Variants in GRHL2 observed in about 807,000 individuals in gnomAD.
The protein encoded by GRHL2 is grainyhead like transcription factor 2, also known as grainyhead-like protein 2 homolog.
A neutral mutation model predicts 83.8 loss-of-function variants in GRHL2; 21 were observed. The observed-to-expected ratio is 0.25, with a 90% CI of 0.18 to 0.36. The LOEUF (loss-of-function observed/expected upper bound fraction) is 0.36. Among genes scored for constraint, GRHL2 ranks in the 10% least tolerant of loss-of-function variants. The probability of loss-of-function intolerance (pLI) is 1.00; values close to 1 mark genes in which losing one functional copy is unlikely to be tolerated. For missense variants in GRHL2, 623 were observed against 781.8 expected, an observed-to-expected ratio of 0.80 and a Z score of 2.42; for synonymous variants, 280 against 278.9, an observed-to-expected ratio of 1.00 and a Z score of -0.04.
intron 8 of GRHL2, among the ~76,000 whole-genome samples, chr8:101,616,007 TTTTTCTTTCTTTCTTTCTATC>T (rs759220101): frequency 2.6e-4 from 39 of 151,922 alleles, no homozygotes; most frequent in Non-Finnish European, 3.7e-4. Flanking sequence ...GACATAGCAT[TTTTTCTTTCTTTCTTTCTATC>T]TTTTCTTTCT....
intron 12 of GRHL2, among the ~76,000 whole-genome samples, chr8:101,642,534 T>C (rs1464129330): frequency 6.6e-6 from 1 of 152,186 alleles, no homozygotes; most frequent in Non-Finnish European, 1.5e-5. Context: ...CCATGGTCAC[T>C]TTAGTTCCAA....
At chr8:101,525,418 T>A (rs946143811) in intron 1 of GRHL2, among the ~76,000 whole-genome samples, 2 of 152,208 alleles carry the variant, frequency 1.3e-5, no homozygotes, top group Non-Finnish European at 2.9e-5. Flanking sequence ...CAGTAAATTT[T>A]AAAAAATACT....
intron 1 of GRHL2, among the ~76,000 whole-genome samples, chr8:101,522,770 T>C (rs542791019): frequency 2.3e-4 from 34 of 148,768 alleles, no homozygotes; most frequent in African/African-American, 8.5e-4. Flanking sequence ...TATACATATA[T>C]ATATATAAAC....
At chr8:101,601,206 C>A (rs1415811362) in intron 8 of GRHL2, among the ~76,000 whole-genome samples, 4 of 151,686 alleles carry the variant, frequency 2.6e-5, no homozygotes, top group African/African-American at 9.7e-5. Context: ...ACCACCACCA[C>A]CACCACCACC....
chr8:101,508,755 T>C (rs1810389974), intron 1 of GRHL2, among the ~76,000 whole-genome samples: 1 of 152,164 alleles, frequency 6.6e-6, no homozygotes, highest in African/African-American at 2.4e-5. Context: ...GGCCACCACA[T>C]AAGCCTATTT....
At position 101,669,370 on chromosome 8, in the gene GRHL2, A is replaced by T. The variant is rs534390591; in HGVS notation, c.*2667A>T. 1.3e-5 allele frequency: 2 copies of T among 151,968 alleles called. No individual in the cohort carries two copies. The highest frequency in any genetic ancestry group is 1.3e-4 in the Admixed American group (2 of 15,146). The allele number at this position is 151,968 out of a possible 1,614,324, so 9.4% of individuals were successfully genotyped here. A position where few individuals can be genotyped will look rare whatever the true frequency, so the allele number is the denominator to read the frequency against. On this transcript the variant is annotated 3_prime_UTR_variant, in exon 16 of 16. Coordinates refer to ENST00000646743, the MANE Select transcript of GRHL2 (RefSeq NM_024915.4). ...GTTTAGAAGTTCGGACCAACAGAAA[A>T]ATGCAGTCAGATGTCATCTTGGAAT... is the stretch of plus-strand genomic sequence containing the variant.
At chr8:101,571,633 T>C (rs886509056) in intron 5 of GRHL2, among the ~76,000 whole-genome samples, 4 of 152,168 alleles carry the variant, frequency 2.6e-5, no homozygotes, top group African/African-American at 9.7e-5. Flanking sequence ...TATGTTTTGG[T>C]CCCTCTTTAC....
chr8:101,632,188 T>C (rs1363513759), intron 10 of GRHL2, 38 bp from the exon 11 acceptor site: 2 of 1,612,330 alleles, frequency 1.2e-6, no homozygotes, highest in South Asian at 2.2e-5. Context: ...TAGTCATATA[T>C]GACTCTCTCA....
chr8:101,606,044 A>G (rs1399168732), intron 8 of GRHL2, among the ~76,000 whole-genome samples: 2 of 152,210 alleles, frequency 1.3e-5, no homozygotes, highest in Non-Finnish European at 2.9e-5. Context: ...TGCAAGAAGC[A>G]CAGCACTGAG....
chr8:101,591,420 C>T (rs1380170778), intron 7 of GRHL2, among the ~76,000 whole-genome samples: 2 of 152,158 alleles, frequency 1.3e-5, no homozygotes, highest in Non-Finnish European at 2.9e-5. Context: ...TCTACTGAAG[C>T]ACCCCAACCT....
At chr8:101,543,159 T>C (rs1811189760) in intron 1 of GRHL2, 82 bp from the exon 2 acceptor site, 1 of 1,000,182 alleles carries the variant, frequency 1.0e-6, no homozygotes, top group Non-Finnish European at 1.6e-6. Context: ...TTAATGTTTG[T>C]AGTCATGTAA....
chr8:101,525,825 CTGGG>C (rs1175421729), intron 1 of GRHL2, among the ~76,000 whole-genome samples: 2 of 152,066 alleles, frequency 1.3e-5, no homozygotes, highest in Non-Finnish European at 2.9e-5. Context: ...CAAAAATTAG[CTGGG>C]TGTGGTGGCA....
At chr8:101,596,519 C>T (rs1309244231) in intron 7 of GRHL2, among the ~76,000 whole-genome samples, 4 of 152,098 alleles carry the variant, frequency 2.6e-5, no homozygotes, top group African/African-American at 9.7e-5. Context: ...AACTATTGGA[C>T]ATCATCTGGC....
intron 1 of GRHL2, among the ~76,000 whole-genome samples, chr8:101,523,203 C>T (rs759263013): frequency 4.6e-5 from 7 of 151,592 alleles, no homozygotes; most frequent in Non-Finnish European, 1.0e-4. Flanking sequence ...TAAGCCACTG[C>T]GCCCAGCCAA....
At chr8:101,598,964 G>A in intron 7 of GRHL2, 93 bp from the exon 8 acceptor site, 1 of 866,548 alleles carries the variant, frequency 1.2e-6, no homozygotes, top group East Asian at 2.6e-5. Flanking sequence ...AATAAACGAA[G>A]TTTAAATTTA....
the GRHL2 span, among the ~76,000 whole-genome samples, chr8:101,678,676 G>C: frequency 6.6e-6 from 1 of 150,998 alleles, no homozygotes; most frequent in Non-Finnish European, 1.5e-5. Context: ...AGACTTAAAT[G>C]TCCCTGTCTG....
intron 1 of GRHL2, among the ~76,000 whole-genome samples, chr8:101,515,176 G>GTCTCTCTGCACACACACA (rs1554582183): frequency 1.7e-4 from 25 of 144,548 alleles, no homozygotes; most frequent in Middle Eastern, 3.4e-3. Flanking sequence ...CTGTCTCTCT[G>GTCTCTCTGCACACACACA]CACACACACA....
chr8:101,520,277 T>C (rs1810656981), intron 1 of GRHL2, among the ~76,000 whole-genome samples: 1 of 152,222 alleles, frequency 6.6e-6, no homozygotes, highest in African/African-American at 2.4e-5. Context: ...TCACGTAGTA[T>C]GTGAGGTTAC....
chr8:101,674,765 T>C, the GRHL2 span, among the ~76,000 whole-genome samples: 2 of 152,234 alleles, frequency 1.3e-5, no homozygotes, highest in East Asian at 3.9e-4. Flanking sequence ...AAAAAGGGAA[T>C]TTTAGACCAA....
Sources: gnomAD v4.1 joint callset for allele counts (sites outside exome capture counted in the v4.1 genomes callset) on GRCh38, gnomAD v4.1.1 for gene constraint, MANE v1.5 for transcripts, NCBI Gene and HGNC (gene_info 2026-07-23, HGNC 2026-07-21) for gene names.